The following CDH4 variants were observed in gnomAD, a reference collection of about 807,000 sequenced individuals.
The protein encoded by CDH4 is cadherin-4.
In CDH4, 33 loss-of-function variants were observed where a neutral mutation model predicts 86.0. The observed-to-expected ratio is 0.38, with a 90% CI of 0.29 to 0.51. The LOEUF (loss-of-function observed/expected upper bound fraction) is 0.51, where lower values mean the gene tolerates loss of function less well. Ranked by LOEUF, CDH4 falls within the 20% of genes least tolerant of loss-of-function variation. The probability of loss-of-function intolerance (pLI) is 0.86; values close to 1 mark genes in which losing one functional copy is unlikely to be tolerated. For synonymous variants in CDH4, 555 were observed against 549.4 expected (o/e 1.01, Z -0.14); for missense variants, 1,114 against 1,307.4 (o/e 0.85, Z 2.28).
chr20:61,290,402 TC>T lies in CDH4; in HGVS notation c.169+35469del, dbSNP rs879381593. On this transcript the variant is annotated intron_variant, in intron 2 of 15. Coordinates refer to ENST00000614565, the MANE Select transcript of CDH4 (RefSeq NM_001794.5). ...TATCCAATGAGACTTGCTGGGTTTA[TC>T]CCCGTATCCAATGAGACTTGCTGGG... Among the ~76,000 whole-genome samples, 24 of 89,770 alleles carry T rather than the reference TC, an allele frequency of 2.7e-4. 2 individuals are homozygous for T. Among genetic ancestry groups the T allele is most frequent in the Non-Finnish European group, 3.3e-4 (15 of 45,426 alleles). The allele number at this position is 89,770 out of a possible 152,430, so 58.9% of individuals were successfully genotyped here. A position where few individuals can be genotyped will look rare whatever the true frequency, so the allele number is the denominator to read the frequency against.
chr20:61,615,792 CG>C (rs2145765884), intron 2 of CDH4, among the ~76,000 whole-genome samples: 2 of 152,310 alleles, frequency 1.3e-5, no homozygotes, highest in East Asian at 3.9e-4. Context: ...CTTGCACTTC[CG>C]GATTTTGGGT....
Position 61,937,642 on chromosome 20 carries a change from A to AC in CDH4, c.*703dup, listed in dbSNP as rs11378835. On this transcript the variant is annotated 3_prime_UTR_variant, in exon 16 of 16. Coordinates refer to ENST00000614565, the MANE Select transcript of CDH4 (RefSeq NM_001794.5). ...TACCCCTACCTTGTGGCTGCTCCCC[A>AC]CCCCTCCCGGATGCTGTGAGGAGCT... 148,567 of 152,092 alleles carry AC rather than the reference A, an allele frequency of 0.98. 72,563 individuals are homozygous for AC. The highest frequency in any genetic ancestry group is 1 in the East Asian group (5,142 of 5,142). 9.4% of individuals were successfully genotyped at this position (152,092 alleles called of 1,614,324 possible).
intron 3 of CDH4, among the ~76,000 whole-genome samples, chr20:61,748,302 T>A (rs2145950300): frequency 6.6e-6 from 1 of 152,346 alleles, no homozygotes; most frequent in Non-Finnish European, 1.5e-5. Context: ...CCAGCTAATT[T>A]TTGTATTTTT....
At chr20:61,462,009 C>T (rs1050799294) in intron 2 of CDH4, among the ~76,000 whole-genome samples, 1 of 152,170 alleles carries the variant, frequency 6.6e-6, no homozygotes, top group African/African-American at 2.4e-5. Flanking sequence ...GCACAGCACT[C>T]GCGTGCACTT....
At chr20:61,690,221 G>C (rs920693559) in intron 2 of CDH4, among the ~76,000 whole-genome samples, 2 of 152,176 alleles carry the variant, frequency 1.3e-5, no homozygotes, top group African/African-American at 4.8e-5. Flanking sequence ...GTTTGGGTGA[G>C]CTGATGTGTA....
At chr20:61,645,210 C>A (rs1008516887) in intron 2 of CDH4, among the ~76,000 whole-genome samples, 3 of 152,254 alleles carry the variant, frequency 2.0e-5, no homozygotes, top group Admixed American at 1.3e-4. Flanking sequence ...TTGATCCCAT[C>A]TGCCTTTTGG....
chr20:61,584,239 G>T (rs1408965143), intron 2 of CDH4, among the ~76,000 whole-genome samples: 3 of 152,200 alleles, frequency 2.0e-5, no homozygotes, highest in Non-Finnish European at 4.4e-5. Flanking sequence ...TCTAAATGTT[G>T]CAGCCTCAGA....
intron 2 of CDH4, among the ~76,000 whole-genome samples, chr20:61,685,551 C>T (rs539232983): frequency 6.6e-6 from 1 of 152,388 alleles, no homozygotes; most frequent in South Asian, 2.1e-4. Context: ...GCCCCACCAC[C>T]CCGCTGTTTG....
Position 61,518,981 on chromosome 20 carries a change from C to CA in CDH4, c.170-224582_170-224581insA, listed in dbSNP as rs1320577749. Among the ~76,000 whole-genome samples, 3 of 151,408 alleles carry CA rather than the reference C, an allele frequency of 2.0e-5. No homozygotes were observed. Among genetic ancestry groups the CA allele is most frequent in the African/African-American group, 7.3e-5 (3 of 41,016 alleles). On this transcript the variant is annotated intron_variant, in intron 2 of 15. Coordinates refer to ENST00000614565, the MANE Select transcript of CDH4 (RefSeq NM_001794.5). The surrounding 1 kb of genome is among the most constrained non-coding windows in gnomAD (Gnocchi z 6.3). ...TCCATTATTTATCCATCCATCCATCCTTCATCCATCCATTCATCCATGCAT... is the reference window on the plus strand; with the variant it reads ...TCCATTATTTATCCATCCATCCATCCATTCATCCATCCATTCATCCATGCAT...
intron 2 of CDH4, among the ~76,000 whole-genome samples, chr20:61,509,200 G>A (rs1369538864): frequency 6.6e-6 from 1 of 152,054 alleles, no homozygotes; most frequent in Non-Finnish European, 1.5e-5. Flanking sequence ...AGAGGACTTG[G>A]GGCATGAATG....
intron 2 of CDH4, among the ~76,000 whole-genome samples, chr20:61,405,281 C>A (rs1049446261): frequency 2.0e-5 from 3 of 151,514 alleles, no homozygotes; most frequent in African/African-American, 7.3e-5. Flanking sequence ...TTCCGTAATC[C>A]CCCTCCTGTG....
At chr20:61,431,958 T>C (rs2085249440) in intron 2 of CDH4, among the ~76,000 whole-genome samples, 1 of 152,154 alleles carries the variant, frequency 6.6e-6, no homozygotes, top group South Asian at 2.1e-4. Flanking sequence ...ACTTGAGCTC[T>C]GTCCGCGTCA....
intron 4 of CDH4, among the ~76,000 whole-genome samples, chr20:61,813,304 TC>T (rs1980535976): frequency 6.6e-6 from 1 of 152,098 alleles, no homozygotes. Context: ...TCCACGTGTG[TC>T]CTCACTCCCT....
intron 2 of CDH4, among the ~76,000 whole-genome samples, chr20:61,461,678 G>A (rs1457896676): frequency 6.6e-6 from 1 of 152,174 alleles, no homozygotes; most frequent in Non-Finnish European, 1.5e-5. Context: ...TCTGGAATTT[G>A]TGCCTGTCCT....
chr20:61,883,133 G>A (rs1202884999), intron 7 of CDH4, among the ~76,000 whole-genome samples: 5 of 137,598 alleles, frequency 3.6e-5, no homozygotes, highest in Admixed American at 2.3e-4. Flanking sequence ...GGGCCTTCTC[G>A]CTGGCTGCTC....
At position 61,839,377 on chromosome 20, in the gene CDH4, TTGTG is replaced by T. The variant is rs376610068; in HGVS notation, c.577-5285_577-5282del. ...TGTATGTTTGTGTATTGAATGTGTG[TTGTG>T]TGTGTATGTGTATTTGTGTTGTGTG... On this transcript the variant is annotated intron_variant, in intron 4 of 15. Coordinates refer to ENST00000614565, the MANE Select transcript of CDH4 (RefSeq NM_001794.5). 1.3e-4 allele frequency among the ~76,000 whole-genome samples: 20 copies of T among 152,056 alleles called. No homozygotes were observed. In the East Asian group the frequency reaches 3.3e-3, roughly 25 times the overall value.
intron 8 of CDH4, 36 bp downstream of exon 8, chr20:61,895,083 C>T (rs772928641): frequency 3.0e-5 from 48 of 1,607,630 alleles, no homozygotes; most frequent in Middle Eastern, 1.7e-4. Flanking sequence ...ACGCATGGCC[C>T]GTGCAGGGCA....
intron 2 of CDH4, among the ~76,000 whole-genome samples, chr20:61,546,175 T>G (rs1333130126): frequency 6.5e-5 from 6 of 92,224 alleles, no homozygotes; most frequent in Admixed American, 1.3e-4. Context: ...TGCCTGTGTG[T>G]GGGGGTATGT....
intron 2 of CDH4, among the ~76,000 whole-genome samples, chr20:61,448,714 T>C (rs942966944): frequency 1.3e-5 from 2 of 152,178 alleles, no homozygotes; most frequent in Admixed American, 1.3e-4. Context: ...TTAAGCCTTG[T>C]TATGATGAAC....
Sources: gnomAD v4.1 joint callset for allele counts (sites outside exome capture counted in the v4.1 genomes callset) on GRCh38, gnomAD v4.1.1 for gene constraint, Gnocchi (gnomAD v3.1) non-coding constraint, MANE v1.5 for transcripts, NCBI Gene and HGNC (gene_info 2026-07-23, HGNC 2026-07-21) for gene names.